Variants in XKR4 observed in about 807,000 individuals in gnomAD.
The protein encoded by XKR4 is XK-related protein 4.
Under a neutral mutation model 53.9 loss-of-function variants are expected in XKR4, and 12 were observed. The ratio of observed to expected loss-of-function variants is 0.22; its 90% CI spans 0.14 to 0.36. The LOEUF (loss-of-function observed/expected upper bound fraction) is 0.36, where lower values mean the gene tolerates loss of function less well. Among genes scored for constraint, XKR4 ranks in the 10% least tolerant of loss-of-function variants. XKR4 has a pLI of 1.00. For synonymous variants in XKR4, 354 were observed against 362.4 expected (o/e 0.98, Z 0.26); for missense variants, 799 against 859.5 (o/e 0.93, Z 0.88).
At chr8:55,384,680 T>C (rs1480414013) in intron 2 of XKR4, among the ~76,000 whole-genome samples, 1 of 152,226 alleles carries the variant, frequency 6.6e-6, no homozygotes, top group African/African-American at 2.4e-5. Flanking sequence ...GACATTGACC[T>C]ACAAATTAAT....
chr8:55,443,658 A>T (rs1391418893), intron 2 of XKR4, among the ~76,000 whole-genome samples: 1 of 151,210 alleles, frequency 6.6e-6, no homozygotes, highest in Non-Finnish European at 1.5e-5. Context: ...CCTGGCCAAC[A>T]AGGTGAAACC....
chr8:55,427,983 C>T (rs945673887), intron 2 of XKR4, among the ~76,000 whole-genome samples: 4 of 151,992 alleles, frequency 2.6e-5, no homozygotes, highest in African/African-American at 4.8e-5. Flanking sequence ...TTATCATTTG[C>T]GTAGTTAAAA....
intron 1 of XKR4, among the ~76,000 whole-genome samples, chr8:55,353,161 A>G (rs1224195098): frequency 6.6e-6 from 1 of 152,202 alleles, no homozygotes; most frequent in East Asian, 1.9e-4. Flanking sequence ...ACACTGATAG[A>G]AAAGTGTTAG....
chr8:55,469,250 G>A (rs575814864), intron 2 of XKR4, among the ~76,000 whole-genome samples: 17 of 152,168 alleles, frequency 1.1e-4, no homozygotes, highest in Non-Finnish European at 2.4e-4. Flanking sequence ...CAACACTGTA[G>A]CCAGGTTGAC....
At chr8:55,209,827 A>G (rs1168897209) in intron 1 of XKR4, among the ~76,000 whole-genome samples, 1 of 152,138 alleles carries the variant, frequency 6.6e-6, no homozygotes, top group Non-Finnish European at 1.5e-5. Context: ...CTGGCCTTCT[A>G]AGTAAGATTT....
chr8:55,332,233 G>A (rs560807049), intron 1 of XKR4, among the ~76,000 whole-genome samples: 1 of 152,010 alleles, frequency 6.6e-6, no homozygotes, highest in African/African-American at 2.4e-5. Context: ...TTTTTATTAT[G>A]GATGTCACAA....
intron 2 of XKR4, among the ~76,000 whole-genome samples, chr8:55,484,953 T>C (rs1326220241): frequency 6.6e-5 from 10 of 152,232 alleles, no homozygotes; most frequent in Admixed American, 6.5e-4. Flanking sequence ...CTTCTCAGCC[T>C]CCATGATTGT....
chr8:55,521,239 G>A (rs1418035947), intron 2 of XKR4, among the ~76,000 whole-genome samples: 2 of 152,144 alleles, frequency 1.3e-5, no homozygotes, highest in East Asian at 3.8e-4. Context: ...AGATATGAGC[G>A]GCTTCTATGC....
intron 1 of XKR4, among the ~76,000 whole-genome samples, chr8:55,181,397 A>T (rs996901851): frequency 1.3e-5 from 2 of 149,844 alleles, no homozygotes; most frequent in African/African-American, 2.5e-5. Context: ...TACATTTTAC[A>T]CTCCTCCCTT....
intron 1 of XKR4, among the ~76,000 whole-genome samples, chr8:55,198,823 T>C (rs1305340175): frequency 1.3e-5 from 2 of 152,160 alleles, no homozygotes; most frequent in African/African-American, 4.8e-5. Context: ...AGGACAAGCA[T>C]AACAAACACA....
chr8:55,103,167 G>T lies in XKR4; in HGVS notation c.679G>T (p.Ala227Ser). The change falls in exon 1 of 3, where the codon GCC (alanine) becomes TCC (serine). Residue 227 changes from alanine to serine, a missense_variant. This residue lies in a region of XKR4 where 476 missense variants were observed against 505.4 expected (regional missense o/e 0.94). Transcript: ENST00000327381. ...CGCCAGCAAGAGCAACATCGCCGCG[G>T]CCAACAGCGGCAGCAACAGCAGCGG... ...SNASKSNIAA[A>S]NSGSNSSGAT... 1 of 1,614,080 alleles carries T rather than the reference G, an allele frequency of 6.2e-7. No individual in the cohort carries two copies. The highest frequency in any genetic ancestry group is 1.6e-4 in the Middle Eastern group (1 of 6,062).
chr8:55,224,579 T>C (rs1437353301), intron 1 of XKR4, among the ~76,000 whole-genome samples: 1 of 152,186 alleles, frequency 6.6e-6, no homozygotes, highest in South Asian at 2.1e-4. Flanking sequence ...GTGTGCTGTA[T>C]GGAACTTTAA....
chr8:55,141,853 C>A (rs1210736111), intron 1 of XKR4, among the ~76,000 whole-genome samples: 1 of 152,018 alleles, frequency 6.6e-6, no homozygotes, highest in African/African-American at 2.4e-5. Flanking sequence ...AATCAAGCAG[C>A]TCTAAGGGGC....
At chr8:55,472,129 C>T (rs1329991093) in intron 2 of XKR4, among the ~76,000 whole-genome samples, 1 of 152,056 alleles carries the variant, frequency 6.6e-6, no homozygotes, top group Non-Finnish European at 1.5e-5. Flanking sequence ...TATCATGATC[C>T]TGTTCAGTGT....
chr8:55,137,076 T>C (rs1266948346), intron 1 of XKR4, among the ~76,000 whole-genome samples: 2 of 152,178 alleles, frequency 1.3e-5, no homozygotes, highest in African/African-American at 4.8e-5. Flanking sequence ...AGTTTTTAGA[T>C]TCTGGAGCTG....
At chr8:55,467,843 A>T (rs917807587) in intron 2 of XKR4, among the ~76,000 whole-genome samples, 11 of 152,144 alleles carry the variant, frequency 7.2e-5, no homozygotes, top group Non-Finnish European at 1.5e-5. Context: ...AAGGGTAATT[A>T]TCTGTTACTT....
intron 1 of XKR4, among the ~76,000 whole-genome samples, chr8:55,149,722 G>A (rs1051050202): frequency 6.6e-6 from 1 of 152,064 alleles, no homozygotes; most frequent in East Asian, 1.9e-4. Flanking sequence ...CTGGGATTAG[G>A]AAAAAACTAG....
chr8:55,192,810 G>A (rs1817461004), intron 1 of XKR4, among the ~76,000 whole-genome samples: 1 of 152,166 alleles, frequency 6.6e-6, no homozygotes, highest in Non-Finnish European at 1.5e-5. Context: ...ATTTGATTGA[G>A]GAAAACTATG....
chr8:55,126,946 A>C (rs1442204360), intron 1 of XKR4, among the ~76,000 whole-genome samples: 1 of 152,214 alleles, frequency 6.6e-6, no homozygotes, highest in Non-Finnish European at 1.5e-5. Context: ...TTTTTATAAA[A>C]CAAAGAGAGT....
Sources: gnomAD v4.1 joint callset for allele counts (sites outside exome capture counted in the v4.1 genomes callset) on GRCh38, gnomAD v4.1.1 for gene constraint, gnomAD v4.1.1 regional missense constraint, MANE v1.5 for transcripts, NCBI Gene and HGNC (gene_info 2026-07-23, HGNC 2026-07-21) for gene names.